Variants in NEK11 observed in about 807,000 individuals in gnomAD.
The protein encoded by NEK11 is NIMA related kinase 11.
Under a neutral mutation model 80.7 loss-of-function variants are expected in NEK11, and 72 were observed. That is an observed-to-expected ratio of 0.89 (90% CI 0.74 to 1.08). The LOEUF (loss-of-function observed/expected upper bound fraction) is 1.08. Among genes scored for constraint, NEK11 ranks in the 50% least tolerant of loss-of-function variants. NEK11 has a pLI of 0.00. For missense variants in NEK11, 764 were observed against 763.6 expected (o/e 1.00, Z -0.01); for synonymous variants, 251 against 260.7 (o/e 0.96, Z 0.36).
At chr3:131,077,547 G>A (rs1356370556) in intron 3 of NEK11, among the ~76,000 whole-genome samples, 2 of 152,170 alleles carry the variant, frequency 1.3e-5, no homozygotes, top group Non-Finnish European at 2.9e-5. Context: ...CTCATGCTCT[G>A]CTGCACAATA....
chr3:131,198,084 G>GTA (rs1266934870), intron 14 of NEK11, among the ~76,000 whole-genome samples: 2 of 152,160 alleles, frequency 1.3e-5, no homozygotes, highest in Admixed American at 6.5e-5. Context: ...CTTAGAGTCT[G>GTA]TATATATATT....
At chr3:131,110,388 C>CT (rs2079912915) in intron 5 of NEK11, among the ~76,000 whole-genome samples, 1 of 152,036 alleles carries the variant, frequency 6.6e-6, no homozygotes, top group Non-Finnish European at 1.5e-5. Flanking sequence ...AGAATGTATT[C>CT]TTTCACCTCA....
rs530276468 is a variant in NEK11, at chr3:131,145,505, G to A, written c.648-6883G>A. The stretch of plus-strand genomic sequence containing the variant: ...CTGTGTGCCCTATATTTGCCGTGGT[G>A]TGACGCCCTGCATAGCTTGTTGTCT... On this transcript the variant is annotated intron_variant, in intron 7 of 17. Coordinates refer to ENST00000383366, the MANE Select transcript of NEK11 (RefSeq NM_024800.5). Among the ~76,000 whole-genome samples, 3 of 152,222 alleles carry A rather than the reference G, an allele frequency of 2.0e-5. No homozygotes were observed. The South Asian group carries it at 6.2e-4, about 32-fold the overall frequency.
chr3:131,142,881 T>C (rs1262721832), intron 7 of NEK11, among the ~76,000 whole-genome samples: 2 of 152,124 alleles, frequency 1.3e-5, no homozygotes, highest in African/African-American at 4.8e-5. Flanking sequence ...CCTTGAAACA[T>C]TGTAAAGCTC....
At chr3:131,154,985 C>T (rs756275337) in intron 9 of NEK11, 51 bp from the exon 10 acceptor site, 4 of 1,076,622 alleles carry the variant, frequency 3.7e-6, no homozygotes, top group Admixed American at 3.7e-5. Context: ...TATTCCCTTT[C>T]ATCCCTAAAG....
At chr3:131,344,519 C>T (rs546907587) in intron 17 of NEK11, among the ~76,000 whole-genome samples, 16 of 152,326 alleles carry the variant, frequency 1.1e-4, no homozygotes, top group African/African-American at 3.1e-4. Context: ...TCCACACTTT[C>T]AGGAATCTTT....
chr3:131,160,827 A>G (rs2091446094), intron 10 of NEK11, among the ~76,000 whole-genome samples: 1 of 152,222 alleles, frequency 6.6e-6, no homozygotes, highest in Non-Finnish European at 1.5e-5. Context: ...AAAACAAAGA[A>G]GAGCATTACA....
intron 17 of NEK11, among the ~76,000 whole-genome samples, chr3:131,299,558 T>G (rs2096637880): frequency 6.6e-6 from 1 of 152,176 alleles, no homozygotes; most frequent in Non-Finnish European, 1.5e-5. Context: ...CCTCAGTGTC[T>G]GTTGTTCCCT....
At chr3:131,276,034 G>A (rs1489173465) in intron 17 of NEK11, among the ~76,000 whole-genome samples, 2 of 152,204 alleles carry the variant, frequency 1.3e-5, no homozygotes, top group Non-Finnish European at 2.9e-5. Flanking sequence ...CAGGGACTTA[G>A]CCTTCACCTT....
At chr3:131,070,182 C>A (rs1374453142) in intron 3 of NEK11, among the ~76,000 whole-genome samples, 2 of 152,156 alleles carry the variant, frequency 1.3e-5, no homozygotes, top group African/African-American at 4.8e-5. Context: ...TTGCTGTAAG[C>A]TCAGAACTTC....
At chr3:131,212,691 TCTA>T (rs1332083517) in intron 14 of NEK11, among the ~76,000 whole-genome samples, 1 of 152,218 alleles carries the variant, frequency 6.6e-6, no homozygotes, top group East Asian at 1.9e-4. Flanking sequence ...GGCCTGGAAT[TCTA>T]CTGTTAGGGA....
chr3:131,027,227 G>A (rs1410861074), intron 1 of NEK11: 1 of 152,136 alleles, frequency 6.6e-6, no homozygotes, highest in Non-Finnish European at 1.5e-5. Flanking sequence ...AGGTGAAGAA[G>A]CAAGGAATTG....
chr3:131,324,284 A>G (rs2096932220), intron 17 of NEK11, among the ~76,000 whole-genome samples: 1 of 152,342 alleles, frequency 6.6e-6, no homozygotes, highest in Middle Eastern at 3.4e-3. Context: ...TCAGAGGAAC[A>G]TGATTAAGGT....
rs1231771378 is a variant in NEK11, at chr3:131,314,286, G to T, written c.1719-35271G>T. 3.3e-5 allele frequency among the ~76,000 whole-genome samples: 5 copies of T among 152,318 alleles called. No individual in the cohort carries two copies. The East Asian group carries it at 7.7e-4, about 23-fold the overall frequency. On this transcript the variant is annotated intron_variant, in intron 17 of 17. Coordinates refer to ENST00000383366, the MANE Select transcript of NEK11 (RefSeq NM_024800.5). ...TCATGGAACAACCATCAAGAATACT[G>T]TGTTCTCTTGTGCTCATTTCTGATG...
intron 5 of NEK11, among the ~76,000 whole-genome samples, chr3:131,126,036 G>T (rs1403408246): frequency 6.6e-6 from 1 of 152,156 alleles, no homozygotes. Context: ...CTGACCTAAG[G>T]CTCAAGAATA....
intron 17 of NEK11, among the ~76,000 whole-genome samples, chr3:131,321,836 A>G (rs1224069963): frequency 6.6e-6 from 1 of 152,210 alleles, no homozygotes; most frequent in African/African-American, 2.4e-5. Flanking sequence ...AAATCAAAAA[A>G]CAACAGATGC....
At chr3:131,069,676 A>C (rs2072860099) in intron 3 of NEK11, among the ~76,000 whole-genome samples, 1 of 151,780 alleles carries the variant, frequency 6.6e-6, no homozygotes, top group African/African-American at 2.4e-5. Context: ...CGTCCTTTGT[A>C]GGGACATGGA....
intron 17 of NEK11, among the ~76,000 whole-genome samples, chr3:131,344,378 C>A (rs961982105): frequency 2.6e-5 from 4 of 152,332 alleles, no homozygotes; most frequent in South Asian, 2.1e-4. Context: ...GTTCATATCA[C>A]TATCAGCATT....
chr3:131,115,717 C>T (rs1011604364), intron 5 of NEK11, among the ~76,000 whole-genome samples: 1 of 152,108 alleles, frequency 6.6e-6, no homozygotes, highest in Non-Finnish European at 1.5e-5. Flanking sequence ...AGCCTCTCTG[C>T]AGAGAGCCCA....
Sources: allele counts gnomAD v4.1 joint callset (sites outside exome capture counted in the v4.1 genomes callset), GRCh38; gene constraint gnomAD v4.1.1; transcripts MANE v1.5; gene names NCBI Gene and HGNC (gene_info 2026-07-23, HGNC 2026-07-21).